The following SMAD1 variants were observed in gnomAD, a reference collection of about 807,000 sequenced individuals.
SMAD1 encodes the protein SMAD family member 1.
In SMAD1, 6 loss-of-function variants were observed where a neutral mutation model predicts 41.6. The ratio of observed to expected loss-of-function variants is 0.14; its 90% CI spans 0.08 to 0.28. The LOEUF (loss-of-function observed/expected upper bound fraction) is 0.28, where lower values mean the gene tolerates loss of function less well. SMAD1 is among the 10% of genes least tolerant of loss of function. The pLI is 1.00. For missense variants in SMAD1, 379 were observed against 582.6 expected (o/e 0.65, Z 3.60); for synonymous variants, 206 against 203.2 (o/e 1.01, Z -0.12).
intron 3 of SMAD1, among the ~76,000 whole-genome samples, chr4:145,541,594 C>T (rs1731938252): frequency 6.6e-6 from 1 of 152,168 alleles, no homozygotes; most frequent in Admixed American, 6.5e-5. Context: ...TGAGTTGTTG[C>T]TTGTTAGCAG....
At chr4:145,557,068 T>C (rs573411013) in intron 6 of SMAD1, among the ~76,000 whole-genome samples, 1 of 152,320 alleles carries the variant, frequency 6.6e-6, no homozygotes, top group African/African-American at 2.4e-5. Flanking sequence ...AAACAGTGAT[T>C]AAAGGATTAA....
intron 3 of SMAD1, 49 bp downstream of exon 3, chr4:145,540,110 A>G: frequency 5.0e-6 from 8 of 1,601,804 alleles, no homozygotes; most frequent in Non-Finnish European, 6.8e-6. Flanking sequence ...AGACAGTGTT[A>G]TCACAGTGTC....
intron 6 of SMAD1, 34 bp from the exon 7 acceptor site, chr4:145,557,757 A>G: frequency 1.9e-6 from 3 of 1,562,454 alleles, no homozygotes; most frequent in Non-Finnish European, 2.6e-6. Context: ...ACTGAGTTAA[A>G]CAAGTTAAAT....
intron 2 of SMAD1, among the ~76,000 whole-genome samples, chr4:145,522,654 GTGTTTTGTTT>G (rs201579124): frequency 9.9e-5 from 15 of 152,164 alleles, no homozygotes; most frequent in South Asian, 2.1e-4. Context: ...CATTGTGAAT[GTGTTTTGTTT>G]TGTTTTGTTT....
chr4:145,557,060 A>T (rs1354680957), intron 6 of SMAD1, among the ~76,000 whole-genome samples: 2 of 152,218 alleles, frequency 1.3e-5, no homozygotes, highest in Non-Finnish European at 1.5e-5. Context: ...TCCTCATGAA[A>T]CAGTGATTAA....
intron 2 of SMAD1, among the ~76,000 whole-genome samples, chr4:145,518,567 A>G (rs16998659): frequency 0.17 from 21,650 of 124,714 alleles, 5,484 homozygotes; most frequent in African/African-American, 0.36. Flanking sequence ...AAAGCCGTAC[A>G]GAGTACACCT....
At chr4:145,483,466 T>G (rs1308600049) in intron 1 of SMAD1, among the ~76,000 whole-genome samples, 1 of 152,168 alleles carries the variant, frequency 6.6e-6, no homozygotes, top group Non-Finnish European at 1.5e-5. Flanking sequence ...TAAATTGTAT[T>G]GAAGGTAGGT....
chr4:145,502,890 G>A (rs1729531513), intron 1 of SMAD1: 1 of 152,118 alleles, frequency 6.6e-6, no homozygotes, highest in Non-Finnish European at 1.5e-5. Flanking sequence ...CACTGTTGAG[G>A]GACCAAATTG....
intron 1 of SMAD1, among the ~76,000 whole-genome samples, chr4:145,490,900 C>A (rs1446041958): frequency 1.3e-5 from 2 of 152,128 alleles, no homozygotes; most frequent in African/African-American, 4.8e-5. Context: ...TTACAGCATT[C>A]ATTACGGTTA....
intron 1 of SMAD1, among the ~76,000 whole-genome samples, chr4:145,493,392 C>T (rs935542793): frequency 1.3e-5 from 2 of 152,178 alleles, no homozygotes; most frequent in Non-Finnish European, 2.9e-5. Context: ...ACATTGCTGG[C>T]TTTGCAGTCC....
At chr4:145,502,208 T>G (rs921798892) in intron 1 of SMAD1, among the ~76,000 whole-genome samples, 4 of 152,058 alleles carry the variant, frequency 2.6e-5, no homozygotes, top group Non-Finnish European at 4.4e-5. Context: ...GTCTTTACAG[T>G]GTTTGAGTTG....
chr4:145,518,569 A>G (rs960118722), intron 2 of SMAD1, among the ~76,000 whole-genome samples: 1 of 125,850 alleles, frequency 7.9e-6, no homozygotes, highest in South Asian at 2.6e-4. Flanking sequence ...AGCCGTACAG[A>G]GTACACCTGG....
At chr4:145,489,112 G>A (rs1728641677) in intron 1 of SMAD1, among the ~76,000 whole-genome samples, 1 of 152,212 alleles carries the variant, frequency 6.6e-6, no homozygotes, top group Non-Finnish European at 1.5e-5. Flanking sequence ...GCCACACATG[G>A]AACAGCATTT....
chr4:145,492,411 C>T (rs1031518233), intron 1 of SMAD1, among the ~76,000 whole-genome samples: 1 of 152,158 alleles, frequency 6.6e-6, no homozygotes, highest in Non-Finnish European at 1.5e-5. Flanking sequence ...GGGAAACTTA[C>T]ATTTACTGAT....
rs551271624 is a variant in SMAD1 at position 145,509,074 on chromosome 4, G to T, written c.-176-5364G>T. Among the ~76,000 whole-genome samples, 4 of 152,190 alleles carry T rather than the reference G, an allele frequency of 2.6e-5. No individual in the cohort carries two copies. In the South Asian group the frequency reaches 8.3e-4, roughly 32 times the overall value. On this transcript the variant is annotated intron_variant, in intron 1 of 6. Coordinates refer to ENST00000302085, the MANE Select transcript of SMAD1 (RefSeq NM_005900.3). ...TGATATTAGAGTAAGTTAATAGTAG[G>T]TAAATGCACAGCACATGGGCCTCTT...
chr4:145,523,329 G>T (rs941779129), intron 2 of SMAD1, among the ~76,000 whole-genome samples: 1 of 152,178 alleles, frequency 6.6e-6, no homozygotes, highest in Non-Finnish European at 1.5e-5. Context: ...CCACAGAAAA[G>T]CTTGCTCACT....
chr4:145,519,902 G>A (rs900068112), intron 2 of SMAD1, among the ~76,000 whole-genome samples: 1 of 152,040 alleles, frequency 6.6e-6, no homozygotes, highest in African/African-American at 2.4e-5. Flanking sequence ...TGCAGTATTC[G>A]TCTTTCTGTG....
Position 145,514,500 on chromosome 4 carries a change from A to T in SMAD1, c.-114A>T. The T allele has an allele frequency of 9.6e-7, 1 of 1,036,862 alleles. No homozygotes were observed. Among genetic ancestry groups the T allele is most frequent in the Non-Finnish European group, 1.4e-6 (1 of 723,204 alleles). The allele number at this position is 1,036,862 out of a possible 1,614,324, so 64.2% of individuals were successfully genotyped here. On this transcript the variant is annotated 5_prime_UTR_variant, in exon 2 of 7. Transcript: ENST00000302085. This position sits in a 1 kb window ranked among gnomAD's most constrained non-coding sequence, Gnocchi z 4.7. Reference sequence around the variant, plus strand: ...TAATTTCTACTCTTCTGGACTTCAAACTAAGAAGTTAAAGAGACTTCTCTG... The same window carrying T: ...TAATTTCTACTCTTCTGGACTTCAATCTAAGAAGTTAAAGAGACTTCTCTG...
chr4:145,556,733 G>A (rs1247295752), intron 6 of SMAD1, among the ~76,000 whole-genome samples: 1 of 152,074 alleles, frequency 6.6e-6, no homozygotes, highest in Non-Finnish European at 1.5e-5. Context: ...CTCTGTCACC[G>A]ACGCCAGAGT....
Sources: gnomAD v4.1 joint callset for allele counts (sites outside exome capture counted in the v4.1 genomes callset) on GRCh38, gnomAD v4.1.1 for gene constraint, Gnocchi (gnomAD v3.1) non-coding constraint, MANE v1.5 for transcripts, NCBI Gene and HGNC (gene_info 2026-07-23, HGNC 2026-07-21) for gene names.